The following KCNMA1 variants were observed in gnomAD, a reference collection of about 807,000 sequenced individuals.
KCNMA1 encodes Calcium-activated potassium channel subunit alpha-1.
In KCNMA1, 29 loss-of-function variants were observed where a neutral mutation model predicts 140.0. The observed-to-expected ratio is 0.21, with a 90% CI of 0.15 to 0.28. The LOEUF is 0.28. Among genes scored for constraint, KCNMA1 ranks in the 10% least tolerant of loss-of-function variants. KCNMA1 has a pLI of 1.00. For synonymous variants in KCNMA1, 612 were observed against 611.9 expected (o/e 1.00, Z 0.00); for missense variants, 880 against 1,602.2 (o/e 0.55, Z 7.70).
chr10:76,966,538 C>T (rs1286198915), intron 20 of KCNMA1, among the ~76,000 whole-genome samples: 1 of 152,144 alleles, frequency 6.6e-6, no homozygotes, highest in Non-Finnish European at 1.5e-5. Context: ...AAATTAAGAA[C>T]TCTTGACTTA....
intron 24 of KCNMA1, chr10:76,911,013 T>C (rs2049950676): frequency 6.6e-6 from 1 of 151,860 alleles, no homozygotes; most frequent in Non-Finnish European, 1.5e-5. Flanking sequence ...GAGCAAGTAA[T>C]AGGGGAAAAG....
chr10:77,260,373 G>C (rs535127863), intron 2 of KCNMA1, among the ~76,000 whole-genome samples: 2 of 152,280 alleles, frequency 1.3e-5, no homozygotes, highest in African/African-American at 4.8e-5. Context: ...GTTTCTACAA[G>C]AACAGAAGGG....
rs200108144 is a variant in KCNMA1, at chr10:76,944,798, G to A, written c.2877C>T (p.Ile959=). 2.3e-5 allele frequency: 37 copies of A among 1,614,002 alleles called. No individual in the cohort carries two copies. The highest frequency in any genetic ancestry group is 2.7e-5 in the Non-Finnish European group (32 of 1,179,992). ...NIKSMQFDDS[I]GVLQANSQGF... ...CTTGGGAATTAGCCTGCAAGACTCCGATGCTGTCATCAAACTGCATAGATT... is the reference window on the plus strand; with the variant it reads ...CTTGGGAATTAGCCTGCAAGACTCCAATGCTGTCATCAAACTGCATAGATT... The change falls in exon 23 of 28, where the codon ATC becomes ATT. Residue 959 remains isoleucine, a synonymous_variant. Coordinates refer to ENST00000286628, the MANE Select transcript of KCNMA1 (RefSeq NM_001161352.2).
chr10:77,636,859 C>G, intron 1 of KCNMA1: 1 of 1,428,336 alleles, frequency 7.0e-7, no homozygotes, highest in Non-Finnish European at 9.1e-7. Flanking sequence ...CGCCAGGAGC[C>G]GAGCCCCGGC....
chr10:77,303,877 G>A (rs1056974666), intron 2 of KCNMA1, among the ~76,000 whole-genome samples: 13 of 152,196 alleles, frequency 8.5e-5, no homozygotes, highest in Admixed American at 4.6e-4. Context: ...ATTGCAAGAC[G>A]CTCATTGTCA....
chr10:77,079,956 G>A (rs1005782849), intron 12 of KCNMA1, among the ~76,000 whole-genome samples: 1 of 152,156 alleles, frequency 6.6e-6, no homozygotes, highest in Non-Finnish European at 1.5e-5. Flanking sequence ...GCACATACCA[G>A]GTCCTTTCCT....
rs975570403 is a variant in KCNMA1 at position 77,514,908 on chromosome 10, G to GT, written c.379-110886dup. On this transcript the variant is annotated intron_variant, in intron 1 of 27. Coordinates refer to ENST00000286628, the MANE Select transcript of KCNMA1 (RefSeq NM_001161352.2). ...GCTACTGCCTGTTTTGTTTTTTTTT[G>GT]TTTTTTTTCCAGTAATACAGCCTAG... Among the ~76,000 whole-genome samples the GT allele has an allele frequency of 1.6e-4, 24 of 150,078 alleles. 1 individual carries two copies. In the East Asian group the frequency reaches 1.8e-3, roughly 11 times the overall value.
intron 1 of KCNMA1, among the ~76,000 whole-genome samples, chr10:77,580,562 G>A (rs900391411): frequency 6.6e-6 from 1 of 152,182 alleles, no homozygotes; most frequent in Non-Finnish European, 1.5e-5. Context: ...GGAAATGCAG[G>A]GCAGGGTCAG....
rs1000588397 is a variant in KCNMA1, at chr10:77,338,797, T to C, written c.540+65065A>G. On this transcript the variant is annotated intron_variant, in intron 2 of 27. Coordinates refer to ENST00000286628, the MANE Select transcript of KCNMA1 (RefSeq NM_001161352.2). ...CTGCTCTGACCACTCAGAACTGCCA[T>C]TGGGCATCAGGTGAGTTGTCAGATC... Among the ~76,000 whole-genome samples, 6 of 152,210 alleles carry C rather than the reference T, an allele frequency of 3.9e-5. No individual in the cohort carries two copies. The East Asian group carries it at 5.8e-4, about 15-fold the overall frequency.
At chr10:77,456,718 C>A (rs2154522390) in intron 1 of KCNMA1, among the ~76,000 whole-genome samples, 1 of 152,304 alleles carries the variant, frequency 6.6e-6, no homozygotes, top group South Asian at 2.1e-4. Context: ...TTTCCCCAGG[C>A]TGCAGAAGTG....
At chr10:77,228,660 T>G (rs1311852282) in intron 3 of KCNMA1, among the ~76,000 whole-genome samples, 3 of 152,236 alleles carry the variant, frequency 2.0e-5, no homozygotes, top group Non-Finnish European at 4.4e-5. Flanking sequence ...CATAAAATTA[T>G]GAGCCTGCCC....
chr10:77,604,202 G>T (rs1405087757), intron 1 of KCNMA1, among the ~76,000 whole-genome samples: 1 of 152,126 alleles, frequency 6.6e-6, no homozygotes, highest in Non-Finnish European at 1.5e-5. Flanking sequence ...TCAGTGGTAG[G>T]GACAGGATTC....
chr10:76,984,620 A>G (rs571904651), intron 19 of KCNMA1, among the ~76,000 whole-genome samples: 5 of 152,226 alleles, frequency 3.3e-5, no homozygotes, highest in South Asian at 2.1e-4. Flanking sequence ...ATAGAAGCCT[A>G]TGGGATTAAT....
intron 3 of KCNMA1, among the ~76,000 whole-genome samples, chr10:77,187,448 T>C (rs999767314): frequency 2.0e-5 from 3 of 152,228 alleles, no homozygotes; most frequent in Admixed American, 6.5e-5. Context: ...GGAAACCATG[T>C]TGAAGCCATA....
chr10:77,389,241 C>T (rs1395291061), intron 2 of KCNMA1, among the ~76,000 whole-genome samples: 4 of 152,188 alleles, frequency 2.6e-5, no homozygotes, highest in Non-Finnish European at 4.4e-5. Context: ...CTTGGCAGCT[C>T]CTGCCACCCC....
Position 77,090,519 on chromosome 10 carries a change from G to A in KCNMA1, c.1224-9C>T, listed in dbSNP as rs749164088. 13 of 1,591,294 alleles carry A rather than the reference G, an allele frequency of 8.2e-6. No homozygotes were observed. The African/African-American group carries it at 1.5e-4, about 18-fold the overall frequency. On this transcript the variant is annotated splice_polypyrimidine_tract_variant and intron_variant, in intron 9 of 27. Coordinates refer to ENST00000286628, the MANE Select transcript of KCNMA1 (RefSeq NM_001161352.2). ...CGCAGACCACAATGTGCCTGAACAG[G>A]AGAGGCCAGTTAGATCAGGCCAGGC... is the stretch of plus-strand genomic sequence containing the variant.
At chr10:77,382,604 C>T (rs1390006856) in intron 2 of KCNMA1, among the ~76,000 whole-genome samples, 1 of 151,994 alleles carries the variant, frequency 6.6e-6, no homozygotes, top group Non-Finnish European at 1.5e-5. Flanking sequence ...GTGGCTCATA[C>T]CTGTAATCCC....
chr10:77,205,123 T>C (rs1453006723), intron 3 of KCNMA1, among the ~76,000 whole-genome samples: 2 of 152,168 alleles, frequency 1.3e-5, no homozygotes, highest in Admixed American at 6.6e-5. Flanking sequence ...TGTCTCAGGG[T>C]AATGGGTCTG....
At chr10:77,228,998 T>C (rs1167641080) in intron 3 of KCNMA1, among the ~76,000 whole-genome samples, 1 of 152,262 alleles carries the variant, frequency 6.6e-6, no homozygotes, top group Non-Finnish European at 1.5e-5. Flanking sequence ...ACATAGGGAA[T>C]GTGTGCTTCC....
Sources: allele counts gnomAD v4.1 joint callset (sites outside exome capture counted in the v4.1 genomes callset), GRCh38; gene constraint gnomAD v4.1.1; transcripts MANE v1.5; gene names NCBI Gene and HGNC (gene_info 2026-07-23, HGNC 2026-07-21).